The following PCDHGA9 variants were observed in gnomAD, a reference collection of about 807,000 sequenced individuals.
PCDHGA9 encodes the protein protocadherin gamma-A9.
A neutral mutation model predicts 62.5 loss-of-function variants in PCDHGA9; 37 were observed. The observed-to-expected ratio is 0.59, with a 90% CI of 0.46 to 0.78. PCDHGA9 has a LOEUF of 0.78. Ranked by LOEUF, PCDHGA9 falls within the 30% of genes least tolerant of loss-of-function variation. PCDHGA9 has a pLI of 0.00. For missense variants in PCDHGA9, 1,138 were observed against 1,166.2 expected, an observed-to-expected ratio of 0.98 and a Z score of 0.35; for synonymous variants, 459 against 484.6, an observed-to-expected ratio of 0.95 and a Z score of 0.69.
At chr5:141,501,402 G>T (rs527659990) in intron 2 of PCDHGA9, among the ~76,000 whole-genome samples, 1 of 151,622 alleles carries the variant, frequency 6.6e-6, no homozygotes, top group African/African-American at 2.4e-5. Context: ...ACAGGCCACT[G>T]CTTGGAAAAT....
chr5:141,487,475 C>A lies in PCDHGA9; in HGVS notation c.2425-7332C>A. 6.2e-7 allele frequency: 1 copy of A among 1,614,156 alleles called. No individual in the cohort carries two copies. The highest frequency in any genetic ancestry group is 8.5e-7 in the Non-Finnish European group (1 of 1,180,032). On this transcript the variant is annotated intron_variant, in intron 1 of 3. Transcript: ENST00000573521. This position sits in a 1 kb window ranked among gnomAD's most constrained non-coding sequence, Gnocchi z 5.0. ...TATCAAGTTTGTTGATGTGGGAGGC[C>A]ACTCTCATGGCTGTACACCCTTGGC...
At chr5:141,465,840 A>G (rs1212861707) in intron 1 of PCDHGA9, among the ~76,000 whole-genome samples, 1 of 151,734 alleles carries the variant, frequency 6.6e-6, no homozygotes, top group Non-Finnish European at 1.5e-5. Context: ...ATTTCAACTG[A>G]GGCTGGGCCC....
At chr5:141,480,702 C>T (rs1455955207) in intron 1 of PCDHGA9, among the ~76,000 whole-genome samples, 1 of 152,170 alleles carries the variant, frequency 6.6e-6, no homozygotes, top group African/African-American at 2.4e-5. Context: ...AGGCCACACC[C>T]CGACAAATGA....
chr5:141,470,022 G>A (rs892106953), intron 1 of PCDHGA9, among the ~76,000 whole-genome samples: 2 of 152,188 alleles, frequency 1.3e-5, no homozygotes, highest in African/African-American at 2.4e-5. Context: ...CCAGCTACTC[G>A]GGATGCTGAG....
intron 1 of PCDHGA9, among the ~76,000 whole-genome samples, chr5:141,454,657 C>T (rs554561906): frequency 5.1e-4 from 77 of 152,192 alleles, no homozygotes; most frequent in African/African-American, 1.7e-3. Flanking sequence ...CTGCCCACCT[C>T]GGCCTCCCAA....
At chr5:141,483,082 C>T (rs2099576709) in intron 1 of PCDHGA9, among the ~76,000 whole-genome samples, 1 of 151,662 alleles carries the variant, frequency 6.6e-6, no homozygotes, top group African/African-American at 2.4e-5. Flanking sequence ...GAGACTCCAT[C>T]TCAAAAAAAA....
chr5:141,402,972 G>A lies in PCDHGA9; in HGVS notation c.20G>A (p.Cys7Tyr), dbSNP rs758148844. 6.2e-7 allele frequency: 1 copy of A among 1,608,316 alleles called. No homozygotes were observed. The highest frequency in any genetic ancestry group is 8.5e-7 in the Non-Finnish European group (1 of 1,176,860). ...GCAGCAATGGCAGCTCCAACCAAAT[G>A]CCAGCTCCGCGGAAGATTAGTCCTG... Reference protein sequence around the residue: MAAPTKCQLRGRLVLLC... With the variant: MAAPTKYQLRGRLVLLC... The change falls in exon 1 of 4, where the codon TGC (cysteine) becomes TAC (tyrosine). Residue 7 changes from cysteine to tyrosine, a missense_variant. Transcript: ENST00000573521.
intron 1 of PCDHGA9, chr5:141,410,052 T>C: frequency 6.2e-7 from 1 of 1,613,122 alleles, no homozygotes; most frequent in Non-Finnish European, 8.5e-7. Context: ...CCCGGACTCT[T>C]CAGCCTGGGG....
At chr5:141,478,498 G>T in intron 1 of PCDHGA9, 1 of 1,612,710 alleles carries the variant, frequency 6.2e-7, no homozygotes, top group South Asian at 1.1e-5. Context: ...GCTGTGATCC[G>T]GTGTTCTATA....
Position 141,487,810 on chromosome 5 carries a change from C to T in PCDHGA9, c.2425-6997C>T. 7.1e-7 allele frequency: 1 copy of T among 1,417,854 alleles called. No homozygotes were observed. 87.8% of individuals were successfully genotyped at this position (1,417,854 alleles called of 1,614,324 possible). ...ATTAACCAGAGTTGTCACAGTTTAG[C>T]ATTGGGGGCGGGTCATGCCTATATC... is the stretch of plus-strand genomic sequence containing the variant. On this transcript the variant is annotated intron_variant, in intron 1 of 3. Coordinates refer to ENST00000573521, the MANE Select transcript of PCDHGA9 (RefSeq NM_018921.3). This position sits in a 1 kb window ranked among gnomAD's most constrained non-coding sequence, Gnocchi z 5.0.
rs745421734 is a variant in PCDHGA9, at chr5:141,403,945, A to G, written c.993A>G (p.Thr331=). The G allele has an allele frequency of 3.0e-5, 48 of 1,613,810 alleles. No homozygotes were observed. Among genetic ancestry groups the G allele is most frequent in the Non-Finnish European group, 3.9e-5 (46 of 1,179,884 alleles). The change falls in exon 1 of 4, where the codon ACA becomes ACG. Residue 331 remains threonine, a synonymous_variant. Transcript: ENST00000573521. ...AEDGGGLKGW[T]KVLISVEDVN... ...ATGGTGGGGGATTGAAAGGGTGGAC[A>G]AAAGTGCTCATTTCGGTGGAAGATG... is the stretch of plus-strand genomic sequence containing the variant.
In PCDHGA9 at chr5:141,485,457, T is replaced by G; in HGVS notation, c.2425-9350T>G. 1 of 1,614,124 alleles carries G rather than the reference T, an allele frequency of 6.2e-7. No individual in the cohort carries two copies. Among genetic ancestry groups the G allele is most frequent in the Non-Finnish European group, 8.5e-7 (1 of 1,180,020 alleles). On this transcript the variant is annotated intron_variant, in intron 1 of 3. Coordinates refer to ENST00000573521, the MANE Select transcript of PCDHGA9 (RefSeq NM_018921.3). This position sits in a 1 kb window ranked among gnomAD's most constrained non-coding sequence, Gnocchi z 5.7. ...AAGAACCCAATCGACCGAGAGGCAC[T>G]GTGTGGGCTCAGTGCCAGCTGCATC...
chr5:141,427,028 C>T (rs960885416), intron 1 of PCDHGA9: 12 of 456,928 alleles, frequency 2.6e-5, no homozygotes, highest in Admixed American at 2.1e-4. Flanking sequence ...ACAAAGTCAG[C>T]CTTAGAGAGA....
chr5:141,419,824 AGCCACTGCCACGCT>A, intron 1 of PCDHGA9: 1 of 1,614,038 alleles, frequency 6.2e-7, no homozygotes, highest in South Asian at 1.1e-5. Context: ...CACCCCTTTC[AGCCACTGCCACGCT>A]GCACCTGGTG....
At chr5:141,413,855 C>G (rs2095686270) in intron 1 of PCDHGA9, 1 of 1,613,206 alleles carries the variant, frequency 6.2e-7, no homozygotes, top group African/African-American at 1.3e-5. Flanking sequence ...CCTCTCCGAT[C>G]TGGCACTGTC....
At chr5:141,436,829 G>C (rs1194891483) in intron 1 of PCDHGA9, among the ~76,000 whole-genome samples, 3 of 152,214 alleles carry the variant, frequency 2.0e-5, no homozygotes, top group African/African-American at 7.2e-5. Flanking sequence ...AAAATCTTAA[G>C]TGCCTAGGCA....
chr5:141,427,220 T>G (rs1487350481), intron 1 of PCDHGA9: 1 of 456,710 alleles, frequency 2.2e-6, no homozygotes, highest in East Asian at 6.9e-5. Flanking sequence ...TTCGTAGCAG[T>G]TATACCATGA....
chr5:141,416,817 C>T (rs1197915095), intron 1 of PCDHGA9: 1 of 151,958 alleles, frequency 6.6e-6, no homozygotes, highest in Non-Finnish European at 1.5e-5. Flanking sequence ...AAAAAGCATT[C>T]CGAAGTTTCT....
chr5:141,439,115 C>A (rs2098087976), intron 1 of PCDHGA9, among the ~76,000 whole-genome samples: 1 of 151,476 alleles, frequency 6.6e-6, no homozygotes, highest in Non-Finnish European at 1.5e-5. Context: ...ATCACTTGAA[C>A]CCGGGAGACA....
Sources: allele counts gnomAD v4.1 joint callset (sites outside exome capture counted in the v4.1 genomes callset), GRCh38; gene constraint gnomAD v4.1.1; non-coding constraint Gnocchi (gnomAD v3.1); transcripts MANE v1.5; gene names NCBI Gene and HGNC (gene_info 2026-07-23, HGNC 2026-07-21).